The following ABCC3 variants were observed in gnomAD, a reference collection of about 807,000 sequenced individuals.
ABCC3 encodes ATP binding cassette subfamily C member 3, also known as ATP-binding cassette sub-family C member 3.
Under a neutral mutation model 165.3 loss-of-function variants are expected in ABCC3, and 121 were observed. That is an observed-to-expected ratio of 0.73 (90% CI 0.63 to 0.85). The LOEUF is 0.85. Among genes scored for constraint, ABCC3 ranks in the 40% least tolerant of loss-of-function variants. ABCC3 has a pLI of 0.00. For missense variants in ABCC3, 1,869 were observed against 1,964.1 expected, an observed-to-expected ratio of 0.95 and a Z score of 0.92; for synonymous variants, 733 against 810.1, an observed-to-expected ratio of 0.90 and a Z score of 1.62.
intron 15 of ABCC3, 50 bp from the exon 16 acceptor site, chr17:50,669,090 A>G: frequency 6.3e-7 from 1 of 1,588,578 alleles, no homozygotes. Flanking sequence ...GTTGGAGACC[A>G]AAACCCTGAT....
intron 1 of ABCC3, among the ~76,000 whole-genome samples, chr17:50,655,500 A>G (rs1967219051): frequency 6.6e-6 from 1 of 151,940 alleles, no homozygotes; most frequent in South Asian, 2.1e-4. Context: ...GCAGAGGACC[A>G]TAAGGTAACA....
chr17:50,653,680 G>A (rs1262117467), intron 1 of ABCC3, among the ~76,000 whole-genome samples: 1 of 151,742 alleles, frequency 6.6e-6, no homozygotes, highest in Non-Finnish European at 1.5e-5. Context: ...TTGAACCTGG[G>A]AGGCAGAGGT....
At chr17:50,666,727 G>C (rs1378032376) in intron 11 of ABCC3, among the ~76,000 whole-genome samples, 1 of 152,232 alleles carries the variant, frequency 6.6e-6, no homozygotes, top group Non-Finnish European at 1.5e-5. Context: ...GTAGCCCATG[G>C]CCTGGCACAT....
chr17:50,650,166 T>C (rs1045088723), intron 1 of ABCC3, among the ~76,000 whole-genome samples: 1 of 152,194 alleles, frequency 6.6e-6, no homozygotes, highest in Admixed American at 6.6e-5. Context: ...AGTGCAATGG[T>C]GCAATCTCTG....
rs996478196 is a variant in ABCC3, at chr17:50,668,368, G to T, written c.1783-62G>T. 5 of 1,443,224 alleles carry T rather than the reference G, an allele frequency of 3.5e-6. No homozygotes were observed. The East Asian group carries it at 1.1e-4, about 33-fold the overall frequency. The allele number at this position is 1,443,224 out of a possible 1,614,324, so 89.4% of individuals were successfully genotyped here. ...TAGCCCAGGATGCTGGGGATGGGGC[G>T]AGGGTAGGGGTTGGGGGTTGGGAAA... On this transcript the variant is annotated intron_variant, in intron 13 of 30. Coordinates refer to ENST00000285238, the MANE Select transcript of ABCC3 (RefSeq NM_003786.4).
At chr17:50,687,236 C>A in intron 29 of ABCC3, 1 of 407,362 alleles carries the variant, frequency 2.5e-6, no homozygotes, top group Non-Finnish European at 4.5e-6. Flanking sequence ...AGAAACATCA[C>A]GGCACTAGCT....
chr17:50,673,986 C>CTT (rs1567835597), intron 19 of ABCC3, among the ~76,000 whole-genome samples: 18 of 11,310 alleles, frequency 1.6e-3, no homozygotes, highest in Admixed American at 3.3e-3. Flanking sequence ...CTTTCTCTCT[C>CTT]TCTCTCTCTC....
At chr17:50,683,907 C>T (rs1414455268) in intron 27 of ABCC3, 42 bp from the exon 28 acceptor site, 8 of 1,601,748 alleles carry the variant, frequency 5.0e-6, no homozygotes, top group Non-Finnish European at 6.8e-6. Context: ...CGCCTTTGAC[C>T]TCTCAGCTTC....
chr17:50,654,294 T>A (rs1339556183), intron 1 of ABCC3, among the ~76,000 whole-genome samples: 1 of 152,228 alleles, frequency 6.6e-6, no homozygotes, highest in Non-Finnish European at 1.5e-5. Flanking sequence ...AAAAAACATC[T>A]AATGCTTTGC....
chr17:50,672,104 A>C (rs1036080112), intron 17 of ABCC3, among the ~76,000 whole-genome samples: 1 of 152,132 alleles, frequency 6.6e-6, no homozygotes, highest in Non-Finnish European at 1.5e-5. Flanking sequence ...TAATCCATAA[A>C]TGGATCAACC....
At position 50,672,956 on chromosome 17, in the gene ABCC3, C is replaced by G. The variant is rs749025100; in HGVS notation, c.2242-15C>G. ...CTGTCTGACCCCATTTTTCCCACCCCCCGCCTCCCTCCAGGGCATTAACCT... is the reference window on the plus strand; with the variant it reads ...CTGTCTGACCCCATTTTTCCCACCCGCCGCCTCCCTCCAGGGCATTAACCT... On this transcript the variant is annotated splice_polypyrimidine_tract_variant and intron_variant, in intron 17 of 30. Transcript: ENST00000285238. 12 of 1,610,702 alleles carry G rather than the reference C, an allele frequency of 7.5e-6. No homozygotes were observed. The Middle Eastern group carries it at 4.9e-4, about 66-fold the overall frequency.
Position 50,684,123 on chromosome 17 carries a change from G to A in ABCC3, c.4113+16G>A, listed in dbSNP as rs773794145. On this transcript the variant is annotated intron_variant, in intron 28 of 30. Coordinates refer to ENST00000285238, the MANE Select transcript of ABCC3 (RefSeq NM_003786.4). ...CATCCCGCAGGTAGGAGCCTGGCAT[G>A]GGCTGGCCACACTCACCAACGGCCC... The A allele has an allele frequency of 1.9e-6, 3 of 1,610,706 alleles. No individual in the cohort carries two copies. Among genetic ancestry groups the A allele is most frequent in the Admixed American group, 1.7e-5 (1 of 59,368 alleles).
chr17:50,656,709 G>A lies in ABCC3; in HGVS notation c.230G>A (p.Gly77Asp), dbSNP rs142468792. Residue 77 changes from glycine to aspartate, a missense_variant, in exon 3 of 31, where the codon GGT (glycine) becomes GAT (aspartate). Coordinates refer to ENST00000285238, the MANE Select transcript of ABCC3 (RefSeq NM_003786.4). ...CCTGTGCTCTCTTCGCAGGTCCTGG[G>A]TGTCCTGCTGTGGTGCGTCTCCTGG... ...SHLSKLKMVL[G>D]VLLWCVSWAD... 9 of 1,612,762 alleles carry A rather than the reference G, an allele frequency of 5.6e-6. No individual in the cohort carries two copies. The highest frequency in any genetic ancestry group is 7.6e-6 in the Non-Finnish European group (9 of 1,179,430).
chr17:50,677,321 T>A lies in ABCC3; in HGVS notation c.3379-423T>A, dbSNP rs559595644. On this transcript the variant is annotated intron_variant, in intron 23 of 30. Transcript: ENST00000285238. ...TTGATAACCTTCAGATACAGCTAAC[T>A]GTAAAAGGCCTTTGCAGACACTGAA... Among the ~76,000 whole-genome samples, 6 of 152,346 alleles carry A rather than the reference T, an allele frequency of 3.9e-5. No homozygotes were observed. In the South Asian group the frequency reaches 1.2e-3, roughly 32 times the overall value.
intron 7 of ABCC3, 68 bp from the exon 8 acceptor site, chr17:50,660,855 C>A: frequency 6.9e-7 from 1 of 1,455,548 alleles, no homozygotes; most frequent in Non-Finnish European, 9.3e-7. Flanking sequence ...GCCAGCCCAG[C>A]CTAGCCCTTG....
intron 1 of ABCC3, among the ~76,000 whole-genome samples, chr17:50,647,868 G>A (rs528733284): frequency 6.6e-5 from 10 of 152,098 alleles, no homozygotes; most frequent in East Asian, 1.9e-4. Context: ...GCAAAACCCC[G>A]TCTGTACTAA....
In ABCC3 at chr17:50,667,747, GC is replaced by G. The variant is rs1967555797; in HGVS notation, c.1629del (p.Phe544SerfsTer3). 6.2e-6 allele frequency: 10 copies of G among 1,613,940 alleles called. No individual in the cohort carries two copies. The highest frequency in any genetic ancestry group is 7.6e-6 in the Non-Finnish European group (9 of 1,180,042). On this transcript the variant is annotated frameshift_variant, in exon 12 of 31. Transcript: ENST00000285238. LOFTEE classifies it high-confidence loss of function. ...HTTTTFTWMCSPFLVTLITLW... is the reference protein window; with the variant it reads ...HTTTTFTWMCXPFLVTLITLW... The stretch of plus-strand genomic sequence containing the variant: ...ACAACCACCTTCACCTGGATGTGCA[GC>G]CCCTTCCTGGTGAGGCTTGGCACAG...
At chr17:50,636,082 C>T (rs1489316434) in intron 1 of ABCC3, among the ~76,000 whole-genome samples, 2 of 152,040 alleles carry the variant, frequency 1.3e-5, no homozygotes, top group African/African-American at 4.8e-5. Context: ...ATCATGTGGT[C>T]TCCGTTTTAC....
At chr17:50,657,935 T>TC in intron 4 of ABCC3, 147 bp from the exon 5 acceptor site, 1 of 1,106,062 alleles carries the variant, frequency 9.0e-7, no homozygotes. Context: ...TCCTCATCTC[T>TC]CAGAGTCCTC....
Sources: gnomAD v4.1 joint callset for allele counts (sites outside exome capture counted in the v4.1 genomes callset) on GRCh38, gnomAD v4.1.1 for gene constraint, MANE v1.5 for transcripts, NCBI Gene and HGNC (gene_info 2026-07-23, HGNC 2026-07-21) for gene names.